Variants in WNT2 observed in about 807,000 individuals in gnomAD.
The protein encoded by WNT2 is protein Wnt-2.
WNT2 carries 12 observed loss-of-function variants against 36.9 expected under a neutral mutation model. That is an observed-to-expected ratio of 0.33 (90% CI 0.21 to 0.53). The LOEUF (loss-of-function observed/expected upper bound fraction) is 0.53. Ranked by LOEUF, WNT2 falls within the 20% of genes least tolerant of loss-of-function variation. The pLI is 0.95. For synonymous variants in WNT2, 163 were observed against 174.6 expected (o/e 0.93, Z 0.52); for missense variants, 379 against 473.1 (o/e 0.80, Z 1.84).
intron 4 of WNT2, among the ~76,000 whole-genome samples, chr7:117,286,457 T>C (rs1348372373): frequency 1.3e-5 from 2 of 151,742 alleles, no homozygotes; most frequent in African/African-American, 4.8e-5. Context: ...TCTGTCTCTA[T>C]CTCTCCCTCT....
At chr7:117,300,246 G>A (rs1188462321) in intron 3 of WNT2, among the ~76,000 whole-genome samples, 1 of 152,114 alleles carries the variant, frequency 6.6e-6, no homozygotes, top group Non-Finnish European at 1.5e-5. Context: ...GAGTGCAGTG[G>A]CGCGATCTCA....
chr7:117,278,904 A>G (rs1465473839), intron 4 of WNT2, among the ~76,000 whole-genome samples: 1 of 152,216 alleles, frequency 6.6e-6, no homozygotes, highest in Non-Finnish European at 1.5e-5. Flanking sequence ...GAAAGGGAAT[A>G]GAACTCTGGT....
intron 3 of WNT2, among the ~76,000 whole-genome samples, chr7:117,298,571 A>G (rs1794839276): frequency 6.6e-6 from 1 of 152,160 alleles, no homozygotes; most frequent in Non-Finnish European, 1.5e-5. Context: ...ACAGGAAGCA[A>G]AGGAAACTGG....
intron 3 of WNT2, among the ~76,000 whole-genome samples, chr7:117,309,200 T>G (rs1339871564): frequency 6.6e-6 from 1 of 152,054 alleles, no homozygotes; most frequent in Non-Finnish European, 1.5e-5. Flanking sequence ...AAAAAAATTT[T>G]TTAAGTCTTT....
intron 2 of WNT2, among the ~76,000 whole-genome samples, chr7:117,316,780 A>T (rs1795228140): frequency 6.6e-6 from 1 of 152,216 alleles, no homozygotes; most frequent in Non-Finnish European, 1.5e-5. Context: ...CAATTATATG[A>T]CTATTCGCCA....
At chr7:117,302,573 A>T (rs1457854551) in intron 3 of WNT2, among the ~76,000 whole-genome samples, 1 of 152,208 alleles carries the variant, frequency 6.6e-6, no homozygotes, top group East Asian at 1.9e-4. Context: ...CACTCTGGAA[A>T]CATCTGCACA....
chr7:117,299,352 C>T (rs1178199143), intron 3 of WNT2, among the ~76,000 whole-genome samples: 2 of 152,226 alleles, frequency 1.3e-5, no homozygotes, highest in African/African-American at 4.8e-5. Flanking sequence ...ACTCACTCCA[C>T]ATCAAGTACT....
At position 117,284,241 on chromosome 7, in the gene WNT2, T is replaced by C. The variant is rs1318742083; in HGVS notation, c.854-5857A>G. Among the ~76,000 whole-genome samples, 2 of 152,184 alleles carry C rather than the reference T, an allele frequency of 1.3e-5. No homozygotes were observed. Among genetic ancestry groups the C allele is most frequent in the East Asian group, 3.8e-4 (2 of 5,202 alleles). On this transcript the variant is annotated intron_variant, in intron 4 of 4. Transcript: ENST00000265441. This position sits in a 1 kb window ranked among gnomAD's most constrained non-coding sequence, Gnocchi z 5.2. Reference sequence around the variant, plus strand: ...CTGGCATTACTTTCCCCTTAATGAATTACAATAAAGACTCATTATTATCAA... The same window carrying C: ...CTGGCATTACTTTCCCCTTAATGAACTACAATAAAGACTCATTATTATCAA...
intron 4 of WNT2, among the ~76,000 whole-genome samples, chr7:117,289,684 G>C (rs1431323766): frequency 6.6e-6 from 1 of 152,164 alleles, no homozygotes; most frequent in African/African-American, 2.4e-5. Flanking sequence ...ACTAGGAGTT[G>C]GGGAACTAGT....
intron 3 of WNT2, among the ~76,000 whole-genome samples, chr7:117,298,335 A>G (rs1794834119): frequency 6.6e-6 from 1 of 152,198 alleles, no homozygotes; most frequent in South Asian, 2.1e-4. Context: ...CCTGCAATAA[A>G]CCAATCAGGG....
chr7:117,298,932 G>A (rs936996014), intron 3 of WNT2, among the ~76,000 whole-genome samples: 2 of 152,146 alleles, frequency 1.3e-5, no homozygotes, highest in Non-Finnish European at 2.9e-5. Flanking sequence ...CCCCAGGTCG[G>A]GCCTTGGCAC....
intron 4 of WNT2, among the ~76,000 whole-genome samples, chr7:117,288,304 G>T (rs926661373): frequency 2.4e-4 from 36 of 152,322 alleles, no homozygotes; most frequent in African/African-American, 8.4e-4. Context: ...GAAATTGCTA[G>T]ATGAAACAGC....
intron 4 of WNT2, among the ~76,000 whole-genome samples, chr7:117,286,832 TTGAC>T (rs1584677097): frequency 6.6e-6 from 1 of 152,240 alleles, no homozygotes; most frequent in African/African-American, 2.4e-5. Context: ...TTGGAAAAGT[TTGAC>T]TGGCACAGGA....
chr7:117,291,869 C>T (rs962487769), intron 4 of WNT2, among the ~76,000 whole-genome samples: 1 of 151,108 alleles, frequency 6.6e-6, no homozygotes, highest in African/African-American at 2.4e-5. Context: ...CCTCCACCTC[C>T]CAGGTTCAAG....
chr7:117,297,986 G>C (rs1346334185), intron 3 of WNT2, 110 bp from the exon 4 acceptor site: 13 of 1,403,130 alleles, frequency 9.3e-6, no homozygotes, highest in Non-Finnish European at 1.2e-5. Flanking sequence ...GCTGGATCCT[G>C]GGGCAAGTGA....
At chr7:117,290,171 T>C (rs1794661801) in intron 4 of WNT2, among the ~76,000 whole-genome samples, 1 of 152,074 alleles carries the variant, frequency 6.6e-6, no homozygotes, top group Non-Finnish European at 1.5e-5. Flanking sequence ...GGGACAGCAT[T>C]TAAAACCATA....
At chr7:117,279,086 T>C (rs1794434885) in intron 4 of WNT2, among the ~76,000 whole-genome samples, 1 of 152,228 alleles carries the variant, frequency 6.6e-6, no homozygotes, top group Non-Finnish European at 1.5e-5. Context: ...AAAATTGGCA[T>C]AGAAAATCTG....
chr7:117,314,702 A>G (rs367736552), intron 3 of WNT2, among the ~76,000 whole-genome samples: 1 of 151,936 alleles, frequency 6.6e-6, no homozygotes, highest in African/African-American at 2.4e-5. Flanking sequence ...TCTAATCTTT[A>G]TATCCCTTAG....
At chr7:117,292,269 C>T (rs1338622785) in intron 4 of WNT2, among the ~76,000 whole-genome samples, 1 of 151,934 alleles carries the variant, frequency 6.6e-6, no homozygotes, top group African/African-American at 2.4e-5. Context: ...CTCTTCATCA[C>T]ACAGGACCTA....
Sources: allele counts gnomAD v4.1 joint callset (sites outside exome capture counted in the v4.1 genomes callset), GRCh38; gene constraint gnomAD v4.1.1; non-coding constraint Gnocchi (gnomAD v3.1); transcripts MANE v1.5; gene names NCBI Gene and HGNC (gene_info 2026-07-23, HGNC 2026-07-21).